AKAP13: variants seen among roughly 807,000 people sequenced by gnomAD.
The protein encoded by AKAP13 is A-kinase anchor protein 13.
Under a neutral mutation model 264.5 loss-of-function variants are expected in AKAP13, and 80 were observed. That is an observed-to-expected ratio of 0.30 (90% CI 0.25 to 0.36). The LOEUF is 0.36. Among genes scored for constraint, AKAP13 ranks in the 10% least tolerant of loss-of-function variants. The pLI, the probability that AKAP13 is intolerant of heterozygous loss-of-function variation, is 1.00. For synonymous variants in AKAP13, 1,380 were observed against 1,250.2 expected, an observed-to-expected ratio of 1.10 and a Z score of -2.19; for missense variants, 3,712 against 3,435.2, an observed-to-expected ratio of 1.08 and a Z score of -2.01.
intron 12 of AKAP13, chr15:85,662,247 G>A (rs189264): frequency 0.11 from 76,744 of 714,674 alleles, 8,362 homozygotes; most frequent in East Asian, 0.4. Flanking sequence ...AAAATTGTCA[G>A]TGTTACATTC....
intron 15 of AKAP13, 65 bp from the exon 16 acceptor site, chr15:85,684,676 C>G (rs1272797223): frequency 1.3e-6 from 2 of 1,519,538 alleles, no homozygotes; most frequent in African/African-American, 2.8e-5. Context: ...ACCTTTTATT[C>G]TGCTTCACTT....
At chr15:85,532,917 A>G (rs1279831958) in intron 3 of AKAP13, among the ~76,000 whole-genome samples, 6 of 152,220 alleles carry the variant, frequency 3.9e-5, no homozygotes, top group Non-Finnish European at 8.8e-5. Flanking sequence ...GCATTGCATT[A>G]TCCTCATGCA....
chr15:85,579,668 C>A lies in AKAP13; in HGVS notation c.1600C>A (p.Pro534Thr). Residue 534 changes from proline to threonine, a missense_variant, in exon 7 of 37, where the codon CCA (proline) becomes ACA (threonine). This residue lies in a region of AKAP13 where 2,759 missense variants were observed against 2,411.7 expected (regional missense o/e 1.14). Transcript: ENST00000394518. ...TAAGCCTGTGGATAAAATCAGTGTT[C>A]CAAACTGTGCCCCTGCTGCCAGTTC... Reference protein sequence around the residue: ...TSKPVDKISVPNCAPAASSLD... With the variant: ...TSKPVDKISVTNCAPAASSLD... The A allele has an allele frequency of 1.2e-6, 2 of 1,614,200 alleles. No homozygotes were observed. The highest frequency in any genetic ancestry group is 1.7e-6 in the Non-Finnish European group (2 of 1,180,026).
At chr15:85,635,784 C>T (rs915396633) in intron 8 of AKAP13, among the ~76,000 whole-genome samples, 5 of 152,080 alleles carry the variant, frequency 3.3e-5, no homozygotes, top group African/African-American at 1.2e-4. Context: ...TATTTGTTTA[C>T]ATATTAGTAT....
intron 8 of AKAP13, among the ~76,000 whole-genome samples, chr15:85,635,660 GTCT>G (rs1331368606): frequency 1.3e-5 from 2 of 151,884 alleles, no homozygotes; most frequent in Admixed American, 1.3e-4. Context: ...GTTTCCCTCT[GTCT>G]TCTTTAGGAG....
rs76876615 is a variant in AKAP13 at position 85,716,622 on chromosome 15, A to G, written c.5736-668A>G. ...AAAATTCCTAACTAAAGGATGCAAAAGTCTCCTTTTGTTTGTAATTCCTAA... is the reference window on the plus strand; with the variant it reads ...AAAATTCCTAACTAAAGGATGCAAAGGTCTCCTTTTGTTTGTAATTCCTAA... On this transcript the variant is annotated intron_variant, in intron 20 of 36. Coordinates refer to ENST00000394518, the MANE Select transcript of AKAP13 (RefSeq NM_007200.5). Among the ~76,000 whole-genome samples the G allele has an allele frequency of 2.1e-4, 32 of 152,308 alleles. No individual in the cohort carries two copies. In the East Asian group the frequency reaches 6.0e-3, roughly 28 times the overall value.
intron 8 of AKAP13, among the ~76,000 whole-genome samples, chr15:85,632,976 C>T (rs2081910627): frequency 6.6e-6 from 1 of 152,080 alleles, no homozygotes. Flanking sequence ...AGCGATTCTC[C>T]TGTCTCAGCC....
intron 8 of AKAP13, among the ~76,000 whole-genome samples, chr15:85,602,572 C>A (rs751443876): frequency 6.6e-6 from 1 of 152,134 alleles, no homozygotes; most frequent in Non-Finnish European, 1.5e-5. Context: ...CTGCCACCCC[C>A]ACCTTCTGGA....
intron 1 of AKAP13, among the ~76,000 whole-genome samples, chr15:85,445,825 ATTTTAT>A (rs1044746608): frequency 6.6e-6 from 1 of 152,102 alleles, no homozygotes; most frequent in African/African-American, 2.4e-5. Context: ...TCTTAAGGTA[ATTTTAT>A]TTTTAATTTC....
At chr15:85,635,687 G>A (rs1478417289) in intron 8 of AKAP13, among the ~76,000 whole-genome samples, 2 of 151,950 alleles carry the variant, frequency 1.3e-5, no homozygotes, top group Non-Finnish European at 2.9e-5. Flanking sequence ...TATAGTTTTA[G>A]GTTGAACATT....
At position 85,492,362 on chromosome 15, in the gene AKAP13, A is replaced by G. The variant is rs554767820; in HGVS notation, c.33+6609A>G. Among the ~76,000 whole-genome samples, 12 of 152,364 alleles carry G rather than the reference A, an allele frequency of 7.9e-5. No homozygotes were observed. The East Asian group carries it at 1.5e-3, about 20-fold the overall frequency. On this transcript the variant is annotated intron_variant, in intron 2 of 36. Coordinates refer to ENST00000394518, the MANE Select transcript of AKAP13 (RefSeq NM_007200.5). ...ATACCACTGCACTATAGCCTGGGCT[A>G]CAGAGCGAGACCCCATCTCAAAAAA...
At chr15:85,428,066 A>C (rs1194679979) in intron 1 of AKAP13, among the ~76,000 whole-genome samples, 1 of 152,128 alleles carries the variant, frequency 6.6e-6, no homozygotes, top group Non-Finnish European at 1.5e-5. Context: ...CCTGACTTCA[A>C]GTGTTCTTCC....
intron 1 of AKAP13, among the ~76,000 whole-genome samples, chr15:85,398,703 A>G (rs1003838928): frequency 6.6e-6 from 1 of 151,996 alleles, no homozygotes; most frequent in Non-Finnish European, 1.5e-5. Flanking sequence ...TTACAGGCAC[A>G]TGCCACCACG....
intron 13 of AKAP13, among the ~76,000 whole-genome samples, chr15:85,665,066 G>C (rs2083514445): frequency 6.6e-6 from 1 of 152,058 alleles, no homozygotes; most frequent in Admixed American, 6.6e-5. Flanking sequence ...AGCTGGACAT[G>C]GTGGTTTGTG....
chr15:85,623,984 C>T (rs890459511), intron 8 of AKAP13, among the ~76,000 whole-genome samples: 1 of 152,046 alleles, frequency 6.6e-6, no homozygotes, highest in Non-Finnish European at 1.5e-5. Flanking sequence ...CTGATGGGAG[C>T]TTTCACCTAA....
intron 3 of AKAP13, among the ~76,000 whole-genome samples, chr15:85,525,316 C>T (rs2076996162): frequency 6.6e-6 from 1 of 152,212 alleles, no homozygotes; most frequent in East Asian, 1.9e-4. Context: ...CCTTGGCCTC[C>T]CAAAGTGCTG....
At chr15:85,682,950 A>AGCCACTGCACCTGGCCACG (rs6145666) in intron 15 of AKAP13, among the ~76,000 whole-genome samples, 58 of 152,314 alleles carry the variant, frequency 3.8e-4, no homozygotes, top group Middle Eastern at 3.4e-3. Flanking sequence ...TACAGGCGTG[A>AGCCACTGCACCTGGCCACG]AATTGATTCT....
chr15:85,419,497 G>A (rs371469037), intron 1 of AKAP13, among the ~76,000 whole-genome samples: 1 of 152,250 alleles, frequency 6.6e-6, no homozygotes, highest in East Asian at 1.9e-4. Context: ...TTTATGTATA[G>A]GATTGCTTAG....
rs766779449 is a variant in AKAP13 at position 85,724,572 on chromosome 15, G to T, written c.6745+1252G>T. On this transcript the variant is annotated intron_variant, in intron 26 of 36. Transcript: ENST00000394518. The surrounding 1 kb of genome is among the most constrained non-coding windows in gnomAD (Gnocchi z 4.2). ...TGACGGGAAACCAGCCCAAAGAAACGGGAGGGGCCAGGTTGTAATGAGGTG... is the reference window on the plus strand; with the variant it reads ...TGACGGGAAACCAGCCCAAAGAAACTGGAGGGGCCAGGTTGTAATGAGGTG... Among the ~76,000 whole-genome samples the T allele has an allele frequency of 6.6e-6, 1 of 151,782 alleles. No homozygotes were observed. Among genetic ancestry groups the T allele is most frequent in the Non-Finnish European group, 1.5e-5 (1 of 67,980 alleles).
Sources: gnomAD v4.1 joint callset for allele counts (sites outside exome capture counted in the v4.1 genomes callset) on GRCh38, gnomAD v4.1.1 for gene constraint, gnomAD v4.1.1 regional missense constraint, Gnocchi (gnomAD v3.1) non-coding constraint, MANE v1.5 for transcripts, NCBI Gene and HGNC (gene_info 2026-07-23, HGNC 2026-07-21) for gene names.